Variants in WWOX observed in about 807,000 individuals in gnomAD.
WWOX encodes WW domain-containing oxidoreductase.
WWOX carries 69 observed loss-of-function variants against 46.2 expected under a neutral mutation model. That is an observed-to-expected ratio of 1.49 (90% CI 1.23 to 1.82). The LOEUF (loss-of-function observed/expected upper bound fraction) is 1.82, where lower values mean the gene tolerates loss of function less well. Ranked by LOEUF, WWOX falls within the 40% of genes most tolerant of loss-of-function variation. The pLI is 0.00. For synonymous variants in WWOX, 359 were observed against 202.6 expected, an observed-to-expected ratio of 1.77 and a Z score of -6.56; for missense variants, 919 against 542.6, an observed-to-expected ratio of 1.69 and a Z score of -6.89.
At chr16:79,132,249 A>C (rs1393218756) in intron 8 of WWOX, among the ~76,000 whole-genome samples, 1 of 152,074 alleles carries the variant, frequency 6.6e-6, no homozygotes, top group Non-Finnish European at 1.5e-5. Flanking sequence ...TGACTTTATA[A>C]GTTACATTTT....
At chr16:78,578,391 G>A (rs566019824) in intron 8 of WWOX, among the ~76,000 whole-genome samples, 232 of 144,384 alleles carry the variant, frequency 1.6e-3, no homozygotes, top group African/African-American at 5.4e-3. Flanking sequence ...CCGGGTTCAC[G>A]CCATTCTCCT....
chr16:78,755,542 T>C (rs150009201), intron 8 of WWOX, among the ~76,000 whole-genome samples: 1 of 152,168 alleles, frequency 6.6e-6, no homozygotes, highest in Non-Finnish European at 1.5e-5. Context: ...TGTTGTAATA[T>C]CAAATAATTC....
At chr16:78,372,694 T>C (rs2081721524) in intron 5 of WWOX, among the ~76,000 whole-genome samples, 2 of 152,202 alleles carry the variant, frequency 1.3e-5, no homozygotes, top group African/African-American at 4.8e-5. Context: ...TTTTTAGCAG[T>C]TATAGGCTTT....
intron 8 of WWOX, among the ~76,000 whole-genome samples, chr16:78,718,432 A>G (rs1281300980): frequency 6.6e-6 from 1 of 152,168 alleles, no homozygotes; most frequent in Non-Finnish European, 1.5e-5. Context: ...TGCTCACTTG[A>G]GTTGGAGCCA....
rs72628242 is a variant in WWOX at position 78,402,879 on chromosome 16, A to G, written c.605+15931A>G. On this transcript the variant is annotated intron_variant, in intron 6 of 8. Coordinates refer to ENST00000566780, the MANE Select transcript of WWOX (RefSeq NM_016373.4). ...CAGCTGGTGACAGGGGGACCACTCCACTACCACATGTGAATTAATCCTCAA... is the reference window on the plus strand; with the variant it reads ...CAGCTGGTGACAGGGGGACCACTCCGCTACCACATGTGAATTAATCCTCAA... Among the ~76,000 whole-genome samples the G allele has an allele frequency of 7.0e-3, 1,059 of 152,286 alleles. 26 individuals are homozygous for G. The East Asian group carries it at 0.085, about 12-fold the overall frequency.
intron 5 of WWOX, chr16:78,241,285 T>C (rs1053805939): frequency 8.0e-6 from 1 of 124,334 alleles, no homozygotes; most frequent in African/African-American, 3.8e-5. Context: ...TTATCATTTG[T>C]GTTTTTTTTT....
chr16:79,147,414 G>C (rs2050201318), intron 8 of WWOX, among the ~76,000 whole-genome samples: 1 of 152,188 alleles, frequency 6.6e-6, no homozygotes, highest in African/African-American at 2.4e-5. Flanking sequence ...CTTCCCAGTT[G>C]TTGCACGTGT....
At chr16:78,226,369 C>T (rs1311236318) in intron 5 of WWOX, among the ~76,000 whole-genome samples, 1 of 152,036 alleles carries the variant, frequency 6.6e-6, no homozygotes, top group Non-Finnish European at 1.5e-5. Context: ...GATGTATACT[C>T]TGGCAGAAAA....
At chr16:78,130,168 C>G (rs1284543845) in intron 4 of WWOX, 1 of 152,210 alleles carries the variant, frequency 6.6e-6, no homozygotes, top group Non-Finnish European at 1.5e-5. Flanking sequence ...AACCTCTTTC[C>G]TTTATAAATT....
intron 8 of WWOX, among the ~76,000 whole-genome samples, chr16:78,623,132 A>G (rs753944270): frequency 3.3e-5 from 5 of 152,038 alleles, no homozygotes; most frequent in Non-Finnish European, 5.9e-5. Context: ...AGATTTCAGC[A>G]TGGTAAGACC....
At chr16:78,526,001 T>A (rs551024979) in intron 8 of WWOX, 4 of 152,364 alleles carry the variant, frequency 2.6e-5, no homozygotes, top group Admixed American at 6.5e-5. Flanking sequence ...CCTATCTGCT[T>A]CTGACACCCA....
chr16:78,532,657 G>A (rs1408056950), intron 8 of WWOX, among the ~76,000 whole-genome samples: 5 of 152,122 alleles, frequency 3.3e-5, no homozygotes, highest in African/African-American at 1.2e-4. Flanking sequence ...CTGGGGAGGC[G>A]ACACAGTGAT....
chr16:78,646,836 A>G (rs200719335), intron 8 of WWOX, among the ~76,000 whole-genome samples: 1 of 152,094 alleles, frequency 6.6e-6, no homozygotes, highest in African/African-American at 2.4e-5. Context: ...TTTATCTCCC[A>G]TCAGCCGAAA....
intron 5 of WWOX, among the ~76,000 whole-genome samples, chr16:78,327,520 C>T (rs756913066): frequency 2.6e-5 from 4 of 152,104 alleles, no homozygotes; most frequent in African/African-American, 4.8e-5. Context: ...GAACATGGAG[C>T]GCTCAGCAAA....
intron 8 of WWOX, among the ~76,000 whole-genome samples, chr16:78,818,557 C>G (rs150127490): frequency 1.3e-5 from 2 of 152,230 alleles, no homozygotes; most frequent in African/African-American, 4.8e-5. Flanking sequence ...ACAGCGAGAC[C>G]CAATCTCTCC....
At chr16:78,368,352 C>A (rs1480269694) in intron 5 of WWOX, among the ~76,000 whole-genome samples, 1 of 152,166 alleles carries the variant, frequency 6.6e-6, no homozygotes, top group Non-Finnish European at 1.5e-5. Context: ...CACAATTTCC[C>A]CACATGCCCT....
intron 8 of WWOX, among the ~76,000 whole-genome samples, chr16:78,673,177 C>T (rs2047508096): frequency 1.3e-5 from 2 of 152,126 alleles, no homozygotes; most frequent in Admixed American, 1.3e-4. Flanking sequence ...GAGGCTGCGG[C>T]CCTGTGAGGT....
intron 5 of WWOX, among the ~76,000 whole-genome samples, chr16:78,197,331 C>T (rs2036086529): frequency 6.6e-6 from 1 of 152,200 alleles, no homozygotes; most frequent in Non-Finnish European, 1.5e-5. Context: ...AATATGAGCA[C>T]ACCTCCTGGA....
intron 8 of WWOX, among the ~76,000 whole-genome samples, chr16:78,646,956 G>C (rs1409835454): frequency 6.6e-6 from 1 of 152,156 alleles, no homozygotes; most frequent in African/African-American, 2.4e-5. Context: ...TTGTGGAAGT[G>C]ACAACTCTAG....
Sources: allele counts gnomAD v4.1 joint callset (sites outside exome capture counted in the v4.1 genomes callset), GRCh38; gene constraint gnomAD v4.1.1; transcripts MANE v1.5; gene names NCBI Gene and HGNC (gene_info 2026-07-23, HGNC 2026-07-21).